MEIKIN: variants seen among roughly 807,000 people sequenced by gnomAD.
MEIKIN encodes the protein meiotic kinetochore factor.
intron 8 of MEIKIN, 60 bp downstream of exon 8, chr5:131,911,755 C>T (rs763942444): frequency 2.5e-6 from 1 of 393,842 alleles, no homozygotes; most frequent in Non-Finnish European, 4.5e-6. Flanking sequence ...AACACAGAAT[C>T]GTGTTTTAAC....
At chr5:131,856,499 A>C (rs947989430) in intron 9 of MEIKIN, among the ~76,000 whole-genome samples, 3 of 152,224 alleles carry the variant, frequency 2.0e-5, no homozygotes, top group Non-Finnish European at 4.4e-5. Context: ...ACAGTCCAAC[A>C]CAAGACTTTC....
intron 8 of MEIKIN, among the ~76,000 whole-genome samples, chr5:131,887,713 T>G (rs1044052151): frequency 6.6e-6 from 1 of 152,000 alleles, no homozygotes; most frequent in African/African-American, 2.4e-5. Flanking sequence ...TTTTTTTATT[T>G]TATTATTATT....
intron 11 of MEIKIN, among the ~76,000 whole-genome samples, chr5:131,846,357 T>C (rs1379662732): frequency 3.9e-5 from 6 of 152,120 alleles, no homozygotes; most frequent in Non-Finnish European, 2.9e-5. Flanking sequence ...TAAAGGCAAA[T>C]AGAAGGGGCA....
At chr5:131,922,966 A>G (rs1751530337) in intron 5 of MEIKIN, among the ~76,000 whole-genome samples, 1 of 152,144 alleles carries the variant, frequency 6.6e-6, no homozygotes, top group South Asian at 2.1e-4. Context: ...ATCTTGGCTC[A>G]CTGCAACCTC....
chr5:131,903,431 C>G (rs1751191048), intron 8 of MEIKIN, among the ~76,000 whole-genome samples: 1 of 152,150 alleles, frequency 6.6e-6, no homozygotes, highest in Non-Finnish European at 1.5e-5. Flanking sequence ...AAGGAAATCC[C>G]ATTAGGCTAA....
rs980167901 is a variant in MEIKIN, at chr5:131,807,052, T to A, written c.*184A>T. On this transcript the variant is annotated 3_prime_UTR_variant, in exon 13 of 13. Coordinates refer to ENST00000442687, the MANE Select transcript of MEIKIN (RefSeq NM_001303622.2). Reference sequence around the variant, plus strand: ...AAGAAGCATATGGAATAATTTTTTTTCTTAACTGATTAAAAGTAAATGACA... The same window carrying A: ...AAGAAGCATATGGAATAATTTTTTTACTTAACTGATTAAAAGTAAATGACA... 2.6e-6 allele frequency: 1 copy of A among 384,166 alleles called. No individual in the cohort carries two copies. The highest frequency in any genetic ancestry group is 2.1e-5 in the African/African-American group (1 of 48,332). The allele number at this position is 384,166 out of a possible 1,614,324, so 23.8% of individuals were successfully genotyped here.
chr5:131,915,121 A>G (rs964917594), intron 7 of MEIKIN, among the ~76,000 whole-genome samples: 1 of 152,212 alleles, frequency 6.6e-6, no homozygotes, highest in Non-Finnish European at 1.5e-5. Context: ...CCAAATTTAC[A>G]GCCAAAACAC....
At chr5:131,874,051 T>C (rs368346039) in intron 9 of MEIKIN, among the ~76,000 whole-genome samples, 15 of 152,242 alleles carry the variant, frequency 9.9e-5, no homozygotes, top group African/African-American at 3.6e-4. Flanking sequence ...AGGAAAGATC[T>C]AAAATTGACA....
intron 9 of MEIKIN, among the ~76,000 whole-genome samples, chr5:131,856,306 A>G (rs1750192462): frequency 6.6e-6 from 1 of 152,198 alleles, no homozygotes; most frequent in Non-Finnish European, 1.5e-5. Flanking sequence ...AACTATTATC[A>G]TCATCATTGT....
intron 11 of MEIKIN, among the ~76,000 whole-genome samples, chr5:131,828,670 C>G (rs1312032466): frequency 1.3e-5 from 2 of 151,976 alleles, no homozygotes; most frequent in East Asian, 1.9e-4. Flanking sequence ...CTTATTTTTC[C>G]AAATTAAAAG....
At chr5:131,925,176 A>G (rs1388489695) in intron 5 of MEIKIN, among the ~76,000 whole-genome samples, 1 of 152,200 alleles carries the variant, frequency 6.6e-6, no homozygotes, top group East Asian at 1.9e-4. Flanking sequence ...TACTGTTTGA[A>G]TTACTATAGC....
At chr5:131,852,187 C>G (rs978074473) in intron 10 of MEIKIN, among the ~76,000 whole-genome samples, 1 of 152,030 alleles carries the variant, frequency 6.6e-6, no homozygotes, top group Non-Finnish European at 1.5e-5. Context: ...AAGGGAGGGA[C>G]CCGGTGTGAG....
chr5:131,904,535 C>T (rs536626060), intron 8 of MEIKIN, among the ~76,000 whole-genome samples: 1 of 152,230 alleles, frequency 6.6e-6, no homozygotes, highest in Admixed American at 6.5e-5. Context: ...AATTATTGAA[C>T]TAATTTACAC....
At chr5:131,933,691 T>C (rs1751725477) in intron 4 of MEIKIN, 50 bp from the exon 5 acceptor site, 1 of 396,510 alleles carries the variant, frequency 2.5e-6, no homozygotes, top group Admixed American at 4.4e-5. Context: ...TACAAAACAA[T>C]GTGAAATCCT....
intron 7 of MEIKIN, among the ~76,000 whole-genome samples, chr5:131,914,964 T>C (rs1395744916): frequency 2.0e-5 from 3 of 152,118 alleles, no homozygotes; most frequent in Non-Finnish European, 2.9e-5. Context: ...GAGATGTCCA[T>C]ACAGGGTGGA....
intron 9 of MEIKIN, among the ~76,000 whole-genome samples, chr5:131,875,492 A>G (rs574354229): frequency 3.3e-5 from 5 of 151,862 alleles, no homozygotes; most frequent in Non-Finnish European, 7.4e-5. Flanking sequence ...ATGAAATAAA[A>G]GAGGATACAA....
intron 9 of MEIKIN, among the ~76,000 whole-genome samples, chr5:131,871,682 G>A (rs1033033919): frequency 1.3e-5 from 2 of 152,214 alleles, no homozygotes; most frequent in Non-Finnish European, 2.9e-5. Context: ...TGAGATCTGA[G>A]AATGGGTAGA....
At chr5:131,874,262 G>A (rs1750566143) in intron 9 of MEIKIN, among the ~76,000 whole-genome samples, 1 of 152,030 alleles carries the variant, frequency 6.6e-6, no homozygotes, top group East Asian at 1.9e-4. Flanking sequence ...GACTAATAAA[G>A]AAGAAAAGAG....
At chr5:131,868,939 T>G (rs1750436829) in intron 9 of MEIKIN, among the ~76,000 whole-genome samples, 1 of 152,242 alleles carries the variant, frequency 6.6e-6, no homozygotes, top group South Asian at 2.1e-4. Flanking sequence ...GTTATCTCAT[T>G]ATCTTGACAT....
Sources: allele counts gnomAD v4.1 joint callset (sites outside exome capture counted in the v4.1 genomes callset), GRCh38; gene constraint gnomAD v4.1.1; transcripts MANE v1.5; gene names NCBI Gene and HGNC (gene_info 2026-07-23, HGNC 2026-07-21).